Variants in SRGAP1 observed in about 807,000 individuals in gnomAD.
SRGAP1 encodes SLIT-ROBO Rho GTPase activating protein 1, also known as SLIT-ROBO Rho GTPase-activating protein 1.
A neutral mutation model predicts 121.9 loss-of-function variants in SRGAP1; 43 were observed. That is an observed-to-expected ratio of 0.35 (90% confidence interval 0.28 to 0.46). The LOEUF is 0.46. Among genes scored for constraint, SRGAP1 ranks in the 20% least tolerant of loss-of-function variants. SRGAP1 has a pLI of 1.00. For synonymous variants in SRGAP1, 447 were observed against 485.4 expected (o/e 0.92, Z 1.04); for missense variants, 1,102 against 1,350.9 (o/e 0.82, Z 2.89).
Position 64,157,631 on chromosome 12 carries a change from A to G in SRGAP1, c.*14959A>G, listed in dbSNP as rs2037173948. 1 of 152,246 alleles carries G rather than the reference A, an allele frequency of 6.6e-6. No individual in the cohort carries two copies. The highest frequency in any genetic ancestry group is 6.5e-5 in the Admixed American group (1 of 15,292). 9.4% of individuals were successfully genotyped at this position (152,246 alleles called of 1,614,324 possible). A position where few individuals can be genotyped will look rare whatever the true frequency, so the allele number is the denominator to read the frequency against. ...CAATAAATTCTGGATAGAAAAAAGA[A>G]TAAAATGTCTTTAAAAATTTATATT... On this transcript the variant is annotated 3_prime_UTR_variant, in exon 22 of 22. Transcript: ENST00000355086.
At chr12:64,040,551 G>A (rs2034995166) in intron 4 of SRGAP1, among the ~76,000 whole-genome samples, 1 of 152,120 alleles carries the variant, frequency 6.6e-6, no homozygotes, top group Non-Finnish European at 1.5e-5. Context: ...GAGCATAATT[G>A]TGCTCAAAAT....
chr12:64,043,971 CTCTAGG>C (rs1254606075), intron 6 of SRGAP1, among the ~76,000 whole-genome samples: 1 of 152,136 alleles, frequency 6.6e-6, no homozygotes, highest in African/African-American at 2.4e-5. Flanking sequence ...AGCCCTTACC[CTCTAGG>C]ATTTAAAGTG....
intron 1 of SRGAP1, among the ~76,000 whole-genome samples, chr12:63,971,284 C>T (rs79035002): frequency 9.9e-5 from 15 of 152,172 alleles, no homozygotes; most frequent in Non-Finnish European, 8.8e-5. Context: ...AATTATACAA[C>T]TAATAGTTAC....
At position 64,086,722 on chromosome 12, in the gene SRGAP1, GAAAAA is replaced by G. The variant is rs3057149; in HGVS notation, c.1409-261_1409-257del. ...AAGCAGCTATTCTTGTTTCTTTTCT[GAAAAA>G]AAAAAAAAAAAAAAACACAGCCTCA... On this transcript the variant is annotated intron_variant, in intron 10 of 21. Transcript: ENST00000355086. 5.0e-3 allele frequency among the ~76,000 whole-genome samples: 606 copies of G among 120,252 alleles called. 4 individuals are homozygous for G. The highest frequency in any genetic ancestry group is 0.015 in the African/African-American group (479 of 32,788). The allele number at this position is 120,252 out of a possible 152,430, so 78.9% of individuals were successfully genotyped here. A position where few individuals can be genotyped will look rare whatever the true frequency, so the allele number is the denominator to read the frequency against.
At chr12:64,000,209 TGAA>T (rs1433936280) in intron 3 of SRGAP1, among the ~76,000 whole-genome samples, 2 of 149,454 alleles carry the variant, frequency 1.3e-5, no homozygotes, top group Non-Finnish European at 3.0e-5. Flanking sequence ...GGGAAGTATT[TGAA>T]GAAGAACATT....
chr12:63,857,565 G>C (rs1320423704), intron 1 of SRGAP1, among the ~76,000 whole-genome samples: 1 of 151,242 alleles, frequency 6.6e-6, no homozygotes, highest in Non-Finnish European at 1.5e-5. Flanking sequence ...TGTATTTTTA[G>C]TAAAGACAGG....
At chr12:63,878,686 T>A (rs1900101556) in intron 1 of SRGAP1, 1 of 152,232 alleles carries the variant, frequency 6.6e-6, no homozygotes, top group African/African-American at 2.4e-5. Context: ...CATTACACCT[T>A]TTTATTCATA....
chr12:63,976,307 A>G (rs958061604), intron 1 of SRGAP1, among the ~76,000 whole-genome samples: 4 of 152,114 alleles, frequency 2.6e-5, no homozygotes, highest in African/African-American at 4.8e-5. Context: ...AATTTCGGCA[A>G]TTGAGAAGTA....
chr12:64,066,311 T>A (rs550833864), intron 8 of SRGAP1, among the ~76,000 whole-genome samples: 1 of 152,330 alleles, frequency 6.6e-6, no homozygotes, highest in Non-Finnish European at 1.5e-5. Flanking sequence ...TTCACTGACC[T>A]GGCTGAAGTC....
chr12:63,891,865 T>C (rs1394133886), intron 1 of SRGAP1, among the ~76,000 whole-genome samples: 1 of 151,410 alleles, frequency 6.6e-6, no homozygotes, highest in East Asian at 2.0e-4. Context: ...CAGACACCTA[T>C]AGTTCCAGCT....
At chr12:63,873,089 A>G (rs1230889585) in intron 1 of SRGAP1, among the ~76,000 whole-genome samples, 1 of 152,174 alleles carries the variant, frequency 6.6e-6, no homozygotes, top group African/African-American at 2.4e-5. Flanking sequence ...ATAAGAATAG[A>G]CAGGTAGTGC....
chr12:63,867,363 GTTTTTC>G (rs962528465), intron 1 of SRGAP1, among the ~76,000 whole-genome samples: 18 of 152,100 alleles, frequency 1.2e-4, no homozygotes, highest in Non-Finnish European at 2.4e-4. Context: ...GATATTACTT[GTTTTTC>G]TTTTTGATTT....
At chr12:63,907,212 G>T (rs2030256215) in intron 1 of SRGAP1, among the ~76,000 whole-genome samples, 1 of 152,064 alleles carries the variant, frequency 6.6e-6, no homozygotes, top group African/African-American at 2.4e-5. Flanking sequence ...TATCTACCTT[G>T]AAGAAACATA....
intron 1 of SRGAP1, among the ~76,000 whole-genome samples, chr12:63,900,190 T>C (rs1004645097): frequency 4.6e-4 from 18 of 39,314 alleles, no homozygotes; most frequent in Non-Finnish European, 7.6e-4. Context: ...TTTTTTCTTT[T>C]TCTTTTTCTT....
At chr12:63,936,465 A>G (rs1358503226) in intron 1 of SRGAP1, among the ~76,000 whole-genome samples, 1 of 152,168 alleles carries the variant, frequency 6.6e-6, no homozygotes, top group Non-Finnish European at 1.5e-5. Flanking sequence ...GCAAGGGGAC[A>G]TGTGCTCAGG....
At chr12:63,949,217 C>CAT (rs139958664) in intron 1 of SRGAP1, among the ~76,000 whole-genome samples, 5,497 of 117,632 alleles carry the variant, frequency 0.047, 664 homozygotes, top group African/African-American at 0.16. Context: ...ATATTTTTTC[C>CAT]ATATATATAT....
chr12:63,932,959 G>A (rs949224750), intron 1 of SRGAP1, among the ~76,000 whole-genome samples: 4 of 152,166 alleles, frequency 2.6e-5, no homozygotes, highest in African/African-American at 7.2e-5. Flanking sequence ...GGAGGCCAAG[G>A]TGGGCAGATC....
At chr12:63,880,469 G>T (rs1287306488) in intron 1 of SRGAP1, among the ~76,000 whole-genome samples, 2 of 152,092 alleles carry the variant, frequency 1.3e-5, no homozygotes, top group Non-Finnish European at 2.9e-5. Context: ...GACCTCAAGT[G>T]ATCCGCCCCT....
At chr12:64,114,855 T>C (rs1247642689) in intron 17 of SRGAP1, among the ~76,000 whole-genome samples, 1 of 152,202 alleles carries the variant, frequency 6.6e-6, no homozygotes, top group East Asian at 1.9e-4. Context: ...TCTTTTTCTA[T>C]GGGTATTGCT....
Sources: allele counts gnomAD v4.1 joint callset (sites outside exome capture counted in the v4.1 genomes callset), GRCh38; gene constraint gnomAD v4.1.1; transcripts MANE v1.5; gene names NCBI Gene and HGNC (gene_info 2026-07-23, HGNC 2026-07-21).